CNGB3: variants seen among roughly 807,000 people sequenced by gnomAD.
CNGB3 encodes the protein cyclic nucleotide-gated channel beta-3.
CNGB3 carries 86 observed loss-of-function variants against 92.8 expected under a neutral mutation model. That is an observed-to-expected ratio of 0.93 (90% confidence interval 0.78 to 1.11). The LOEUF is 1.11. Ranked by LOEUF, CNGB3 falls within the 50% of genes least tolerant of loss-of-function variation. The pLI is 0.00. For synonymous variants in CNGB3, 333 were observed against 332.7 expected (o/e 1.00, Z -0.01); for missense variants, 1,026 against 956.8 (o/e 1.07, Z -0.95).
At chr8:86,626,258 C>T (rs1240289762) in intron 12 of CNGB3, among the ~76,000 whole-genome samples, 178 bp from the exon 13 acceptor site, 1 of 152,084 alleles carries the variant, frequency 6.6e-6, no homozygotes, top group African/African-American at 2.4e-5. Flanking sequence ...ATACCTATTA[C>T]AATAACACTA....
At chr8:86,699,021 C>T (rs962187473) in intron 3 of CNGB3, among the ~76,000 whole-genome samples, 2 of 152,096 alleles carry the variant, frequency 1.3e-5, no homozygotes, top group East Asian at 1.9e-4. Flanking sequence ...TATTTATTGT[C>T]CTAGGTGCTG....
intron 2 of CNGB3, among the ~76,000 whole-genome samples, chr8:86,732,341 T>C (rs925065708): frequency 6.6e-6 from 1 of 152,136 alleles, no homozygotes; most frequent in Non-Finnish European, 1.5e-5. Context: ...GCAACCTCAA[T>C]GGTGGTCTGA....
At chr8:86,687,466 T>C (rs1824211083) in intron 3 of CNGB3, among the ~76,000 whole-genome samples, 1 of 152,020 alleles carries the variant, frequency 6.6e-6, no homozygotes, top group African/African-American at 2.4e-5. Context: ...TTCATTCATA[T>C]GAGATAACGA....
intron 3 of CNGB3, among the ~76,000 whole-genome samples, chr8:86,678,388 C>T (rs932011921): frequency 1.3e-5 from 2 of 152,172 alleles, no homozygotes; most frequent in African/African-American, 4.8e-5. Context: ...TTCACATTCA[C>T]CTCTAAATGC....
rs1463773206 is a variant in CNGB3 at position 86,578,850 on chromosome 8, G to T, written c.1942C>A (p.Gln648Lys). 1.9e-6 allele frequency: 3 copies of T among 1,614,164 alleles called. No homozygotes were observed. The highest frequency in any genetic ancestry group is 2.5e-6 in the Non-Finnish European group (3 of 1,180,018). ...LMKKARVLLK[Q>K]KAKTAEATPP... ...GTTGCTTCTGCGGTCTTAGCCTTCTGCTTTAAAAGCACTCTGTGGGTAAGA... is the reference window on the plus strand; with the variant it reads ...GTTGCTTCTGCGGTCTTAGCCTTCTTCTTTAAAAGCACTCTGTGGGTAAGA... Residue 648 changes from glutamine (Q) to lysine (K), a missense_variant, in exon 17 of 18, where the codon CAG becomes AAG. Gln to Lys is a moderately conservative substitution (Grantham distance 53). Transcript: ENST00000320005.
intron 15 of CNGB3, among the ~76,000 whole-genome samples, chr8:86,591,553 C>G (rs1392094867): frequency 1.3e-5 from 2 of 151,222 alleles, no homozygotes; most frequent in African/African-American, 2.4e-5. Context: ...AGTTTTCCTT[C>G]TAACAGACAG....
intron 7 of CNGB3, among the ~76,000 whole-genome samples, chr8:86,649,431 G>A (rs893755323): frequency 6.6e-6 from 1 of 151,270 alleles, no homozygotes; most frequent in African/African-American, 2.4e-5. Context: ...AAAACAGCAT[G>A]GTACTGGTAT....
chr8:86,727,514 CAATACAGA>C (rs1034850138), intron 2 of CNGB3, among the ~76,000 whole-genome samples: 12 of 152,104 alleles, frequency 7.9e-5, no homozygotes, highest in African/African-American at 2.9e-4. Context: ...GCTTTATTTT[CAATACAGA>C]AATTAATTTC....
chr8:86,720,765 T>C (rs1334031120), intron 3 of CNGB3, among the ~76,000 whole-genome samples: 4 of 150,070 alleles, frequency 2.7e-5, no homozygotes, highest in African/African-American at 9.8e-5. Context: ...TGTCAATCAA[T>C]GAGTAAATAA....
intron 4 of CNGB3, among the ~76,000 whole-genome samples, chr8:86,668,685 A>C (rs964145747): frequency 1.0e-5 from 1 of 98,200 alleles, no homozygotes; most frequent in Non-Finnish European, 2.1e-5. Context: ...AATGTTAATA[A>C]ATTTTTACAA....
At chr8:86,711,835 CTA>C (rs10608743) in intron 3 of CNGB3, among the ~76,000 whole-genome samples, 2,424 of 123,682 alleles carry the variant, frequency 0.02, 74 homozygotes, top group African/African-American at 0.064. Context: ...CTCTCTCTCT[CTA>C]TATATATATA....
chr8:86,603,554 T>C (rs1358263541), intron 15 of CNGB3, among the ~76,000 whole-genome samples: 1 of 152,176 alleles, frequency 6.6e-6, no homozygotes, highest in Non-Finnish European at 1.5e-5. Context: ...TCTAAGTGCT[T>C]TTAGTGAATT....
chr8:86,593,928 A>G (rs188793571), intron 15 of CNGB3: 4 of 566,222 alleles, frequency 7.1e-6, no homozygotes, highest in Non-Finnish European at 9.9e-6. Flanking sequence ...CAGGGGCAGA[A>G]GGAGTGGAAT....
intron 6 of CNGB3, chr8:86,660,146 A>G: frequency 3.2e-6 from 1 of 310,266 alleles, no homozygotes. Context: ...GGCAACCACC[A>G]GAAGTGGTTG....
At chr8:86,711,536 A>G (rs1036273736) in intron 3 of CNGB3, among the ~76,000 whole-genome samples, 1 of 152,164 alleles carries the variant, frequency 6.6e-6, no homozygotes, top group African/African-American at 2.4e-5. Context: ...TTCTATGGCA[A>G]CAGGCAACCG....
intron 16 of CNGB3, 46 bp downstream of exon 16, chr8:86,579,060 G>A (rs772596775): frequency 6.8e-6 from 11 of 1,613,108 alleles, no homozygotes; most frequent in Non-Finnish European, 8.5e-6. Flanking sequence ...AGTTTACAAA[G>A]TAAAACCAAC....
Position 86,579,132 on chromosome 8 carries a change from A to C in CNGB3, c.1902T>G (p.Ser634=). ...LQEILVHYPD[S]ERILMKKARV... Reference sequence around the variant, plus strand: ...TGGCTTTCTTCATGAGGATCCTTTCAGAATCTGGATAATGCACTAGAATTT... The same window carrying C: ...TGGCTTTCTTCATGAGGATCCTTTCCGAATCTGGATAATGCACTAGAATTT... The change falls in exon 16 of 18, where the codon TCT becomes TCG. Residue 634 remains serine, a synonymous_variant. Coordinates refer to ENST00000320005, the MANE Select transcript of CNGB3 (RefSeq NM_019098.5). The C allele has an allele frequency of 2.5e-6, 4 of 1,614,154 alleles. No individual in the cohort carries two copies. The highest frequency in any genetic ancestry group is 3.4e-6 in the Non-Finnish European group (4 of 1,180,030).
At chr8:86,647,088 G>A (rs2131596701) in intron 8 of CNGB3, among the ~76,000 whole-genome samples, 1 of 151,082 alleles carries the variant, frequency 6.6e-6, no homozygotes. Flanking sequence ...ACAGAAGGTA[G>A]TATTGTTCTA....
chr8:86,584,779 C>G (rs1370497241), intron 15 of CNGB3, among the ~76,000 whole-genome samples: 1 of 152,130 alleles, frequency 6.6e-6, no homozygotes, highest in Non-Finnish European at 1.5e-5. Flanking sequence ...AGAAATGGTT[C>G]TAATCCTAGA....
Sources: allele counts gnomAD v4.1 joint callset (sites outside exome capture counted in the v4.1 genomes callset), GRCh38; gene constraint gnomAD v4.1.1; transcripts MANE v1.5; gene names NCBI Gene and HGNC (gene_info 2026-07-23, HGNC 2026-07-21).